The following SOX30 variants were observed in gnomAD, a reference collection of about 807,000 sequenced individuals.
SOX30 encodes the protein SRY-box transcription factor 30.
Under a neutral mutation model 58.6 loss-of-function variants are expected in SOX30, and 17 were observed. That is an observed-to-expected ratio of 0.29 (90% CI 0.20 to 0.44). The LOEUF (loss-of-function observed/expected upper bound fraction) is 0.44, where lower values mean the gene tolerates loss of function less well. SOX30 is among the 20% of genes least tolerant of loss of function. The pLI, the probability that SOX30 is intolerant of heterozygous loss-of-function variation, is 1.00. For synonymous variants in SOX30, 421 were observed against 400.2 expected (o/e 1.05, Z -0.62); for missense variants, 951 against 965.8 (o/e 0.98, Z 0.20).
upstream of SOX30, among the ~76,000 whole-genome samples, chr5:157,657,381 A>C (rs1394464382): frequency 6.6e-6 from 1 of 152,200 alleles, no homozygotes; most frequent in African/African-American, 2.4e-5. Context: ...TCATCCACAC[A>C]CAATTGTTGT....
At chr5:157,641,856 T>C (rs192349213) in intron 3 of SOX30, among the ~76,000 whole-genome samples, 7 of 152,234 alleles carry the variant, frequency 4.6e-5, no homozygotes, top group Non-Finnish European at 8.8e-5. Context: ...TCAGAAGATA[T>C]CTGAGATAAA....
At position 157,661,481 on chromosome 5, in the gene SOX30, G is replaced by A. The variant is rs1161309872; in HGVS notation, c.52+6317C>T. Among the ~76,000 whole-genome samples, 4 of 152,278 alleles carry A rather than the reference G, an allele frequency of 2.6e-5. No individual in the cohort carries two copies. In the East Asian group the frequency reaches 7.7e-4, roughly 29 times the overall value. ...TTTTGTGAGCCATATGAGCTCTGTT[G>A]CAACCAATCAACTCTGCTTTGTAGC... On this transcript the variant is annotated intron_variant, in intron 2 of 5. Coordinates refer to the SOX30 transcript ENST00000519442.
intron 3 of SOX30, among the ~76,000 whole-genome samples, chr5:157,639,254 A>G (rs1457934408): frequency 6.6e-6 from 1 of 152,156 alleles, no homozygotes; most frequent in East Asian, 1.9e-4. Context: ...TTTTATACCT[A>G]CTGGTACTAT....
At chr5:157,640,657 A>G (rs1026000224) in intron 3 of SOX30, among the ~76,000 whole-genome samples, 3 of 152,226 alleles carry the variant, frequency 2.0e-5, no homozygotes, top group Non-Finnish European at 4.4e-5. Flanking sequence ...CAAGGGCTGC[A>G]TGTGAGAATG....
At position 157,651,336 on chromosome 5, in the gene SOX30, G is replaced by A; in HGVS notation, c.743C>T (p.Ser248Phe). Residue 248 changes from serine (S) to phenylalanine (F), a missense_variant, in exon 1 of 5, where the codon TCC (serine) becomes TTC (phenylalanine). Transcript: ENST00000265007. ...TTGCTGGTGCGGCCCAAAGGCACCG[G>A]ACGTTGGGGCCAAGATGACCTCCGC... ...GSAEVILAPT[S>F]GAFGPHQQDL... 6.2e-7 allele frequency: 1 copy of A among 1,614,020 alleles called. No individual in the cohort carries two copies.
chr5:157,665,611 AAAAT>A (rs1385692348), intron 2 of SOX30, among the ~76,000 whole-genome samples: 5 of 148,578 alleles, frequency 3.4e-5, no homozygotes, highest in African/African-American at 7.3e-5. Context: ...AAAATAAAAT[AAAAT>A]AAAATAAATA....
intron 3 of SOX30, among the ~76,000 whole-genome samples, chr5:157,644,464 C>T (rs546060057): frequency 6.6e-6 from 1 of 152,320 alleles, no homozygotes; most frequent in East Asian, 1.9e-4. Flanking sequence ...AAGAACCCTA[C>T]CAACATTAGA....
chr5:157,630,555 A>G (rs977602465), intron 4 of SOX30, among the ~76,000 whole-genome samples: 1 of 152,068 alleles, frequency 6.6e-6, no homozygotes, highest in African/African-American at 2.4e-5. Flanking sequence ...TCTCTGTTCA[A>G]TTAGCTTAGC....
intron 1 of SOX30, 147 bp from the exon 2 acceptor site, chr5:157,649,043 T>G (rs1451310887): frequency 1.0e-6 from 1 of 984,776 alleles, no homozygotes; most frequent in Non-Finnish European, 1.4e-6. Context: ...AACCTGCCAG[T>G]ATTCCACAAT....
At chr5:157,641,698 G>A (rs1325565826) in intron 3 of SOX30, among the ~76,000 whole-genome samples, 1 of 152,128 alleles carries the variant, frequency 6.6e-6, no homozygotes, top group Non-Finnish European at 1.5e-5. Context: ...TACTTGCTAC[G>A]ACTACCTAAC....
chr5:157,670,000 G>A (rs1759748462), intron 1 of SOX30, among the ~76,000 whole-genome samples: 2 of 152,188 alleles, frequency 1.3e-5, no homozygotes, highest in Non-Finnish European at 2.9e-5. Flanking sequence ...GAGACTATAT[G>A]AAGGGCAAGG....
At chr5:157,631,068 TAC>T (rs1276157997) in intron 4 of SOX30, among the ~76,000 whole-genome samples, 6,119 of 17,134 alleles carry the variant, frequency 0.36, 377 homozygotes, top group East Asian at 0.45. Flanking sequence ...TATATATATA[TAC>T]ACACAATATA....
chr5:157,647,700 G>T (rs376558552), intron 2 of SOX30, among the ~76,000 whole-genome samples: 12 of 151,818 alleles, frequency 7.9e-5, no homozygotes, highest in African/African-American at 2.9e-4. Context: ...GACTACAGGT[G>T]CCCAACACCA....
At chr5:157,654,682 A>AT (rs1199620979), upstream of SOX30, among the ~76,000 whole-genome samples, 2 of 152,244 alleles carry the variant, frequency 1.3e-5, no homozygotes, top group African/African-American at 2.4e-5. Flanking sequence ...AGTACAGGTC[A>AT]TAAAAACCTT....
chr5:157,648,553 C>T, intron 2 of SOX30, 104 bp downstream of exon 2: 3 of 1,059,490 alleles, frequency 2.8e-6, no homozygotes, highest in Admixed American at 2.3e-5. Context: ...TTGTACATAT[C>T]AGAAAAAAAT....
chr5:157,646,920 T>C, intron 2 of SOX30, 104 bp from the exon 3 acceptor site: 1 of 818,194 alleles, frequency 1.2e-6, no homozygotes, highest in Non-Finnish European at 2.0e-6. Context: ...TAAAAACAAA[T>C]TATTGTCTAA....
intron 3 of SOX30, among the ~76,000 whole-genome samples, chr5:157,641,338 C>T (rs920211775): frequency 6.6e-6 from 1 of 152,108 alleles, no homozygotes; most frequent in African/African-American, 2.4e-5. Flanking sequence ...AAGTGCTGGG[C>T]GTGGTGGCTT....
chr5:157,662,065 C>A (rs1455376355), intron 2 of SOX30, among the ~76,000 whole-genome samples: 1 of 152,110 alleles, frequency 6.6e-6, no homozygotes, highest in Non-Finnish European at 1.5e-5. Context: ...TGTATAATTT[C>A]TTTTTGAGTC....
At chr5:157,663,177 G>A (rs183082656) in intron 2 of SOX30, among the ~76,000 whole-genome samples, 2 of 152,268 alleles carry the variant, frequency 1.3e-5, no homozygotes, top group African/African-American at 4.8e-5. Flanking sequence ...CAATATCCCT[G>A]ATGAACATCA....
Sources: allele counts gnomAD v4.1 joint callset (sites outside exome capture counted in the v4.1 genomes callset), GRCh38; gene constraint gnomAD v4.1.1; transcripts MANE v1.5; gene names NCBI Gene and HGNC (gene_info 2026-07-23, HGNC 2026-07-21).